FOXO1: variants seen among roughly 807,000 people sequenced by gnomAD.
The protein encoded by FOXO1 is forkhead box protein O1.
In FOXO1, 6 loss-of-function variants were observed where a neutral mutation model predicts 44.1. The observed-to-expected ratio is 0.14, with a 90% confidence interval of 0.07 to 0.27. The LOEUF is 0.27. Ranked by LOEUF, FOXO1 falls within the 10% of genes least tolerant of loss-of-function variation. FOXO1 has a pLI of 1.00. For synonymous variants in FOXO1, 380 were observed against 362.7 expected (o/e 1.05, Z -0.54); for missense variants, 737 against 888.8 (o/e 0.83, Z 2.17).
At chr13:40,615,006 C>A (rs4429172) in intron 1 of FOXO1, among the ~76,000 whole-genome samples, 58,832 of 151,940 alleles carry the variant, frequency 0.39, 12,245 homozygotes, top group East Asian at 0.75. Flanking sequence ...GCAAAAAACC[C>A]GAAGTTCCCA....
At chr13:40,616,858 T>C (rs1876439256) in intron 1 of FOXO1, among the ~76,000 whole-genome samples, 1 of 152,038 alleles carries the variant, frequency 6.6e-6, no homozygotes, top group African/African-American at 2.4e-5. Context: ...AAGGGACAGA[T>C]GGAGAAAGGA....
intron 1 of FOXO1, among the ~76,000 whole-genome samples, chr13:40,656,560 T>G (rs752994030): frequency 6.6e-6 from 1 of 152,228 alleles, no homozygotes; most frequent in Non-Finnish European, 1.5e-5. Context: ...TTCTATGTAT[T>G]GCCAAATTCC....
intron 1 of FOXO1, among the ~76,000 whole-genome samples, chr13:40,620,799 C>CTTTTTT (rs111991105): frequency 0.015 from 1,860 of 121,146 alleles, 161 homozygotes; most frequent in African/African-American, 0.05. Flanking sequence ...CTTCCCCTTG[C>CTTTTTT]TTTTTTTTTT....
At chr13:40,623,948 T>C (rs1876702101) in intron 1 of FOXO1, among the ~76,000 whole-genome samples, 1 of 150,330 alleles carries the variant, frequency 6.7e-6, no homozygotes, top group Non-Finnish European at 1.5e-5. Context: ...ATTTTTTTTT[T>C]TTTTAATTAG....
At position 40,560,857 on chromosome 13, in the gene FOXO1, A is replaced by C; in HGVS notation, c.634T>G (p.Ser212Ala). ...TGTAGGGACAGATTATGACGAATTG[A>C]ATTCTGTAAGGCAAAACATCTTATT... ...DSNSSAGWKN[S>A]IRHNLSLHSK... is the part of the protein sequence containing the mutation. The change falls in exon 2 of 3, where the codon TCA (serine) becomes GCA (alanine). Residue 212 changes from serine to alanine, a missense_variant. Transcript: ENST00000379561. This position sits in a 1 kb window ranked among gnomAD's most constrained non-coding sequence, Gnocchi z 5.1. 1 of 1,600,260 alleles carries C rather than the reference A, an allele frequency of 6.2e-7. No individual in the cohort carries two copies. Among genetic ancestry groups the C allele is most frequent in the Non-Finnish European group, 8.5e-7 (1 of 1,174,004 alleles).
At chr13:40,570,117 TC>T (rs1280613022) in intron 1 of FOXO1, among the ~76,000 whole-genome samples, 12 of 151,920 alleles carry the variant, frequency 7.9e-5, no homozygotes, top group Admixed American at 2.0e-4. Context: ...ATGGAGACCA[TC>T]CTGGCCAACA....
chr13:40,588,146 T>C (rs953221954), intron 1 of FOXO1, among the ~76,000 whole-genome samples: 2 of 152,136 alleles, frequency 1.3e-5, no homozygotes, highest in South Asian at 2.1e-4. Flanking sequence ...TTTAAATAAA[T>C]GCCCATTTAA....
rs570344203 is a variant in FOXO1 at position 40,571,455 on chromosome 13, TG to T, written c.631-10596del. Among the ~76,000 whole-genome samples, 24 of 152,286 alleles carry T rather than the reference TG, an allele frequency of 1.6e-4. No individual in the cohort carries two copies. The South Asian group carries it at 5.0e-3, about 32-fold the overall frequency. The stretch of plus-strand genomic sequence containing the variant: ...GTTTCCCCTAGGATTGATTTAGTTT[TG>T]ATGCAGCCTGCAGTTACCCCTGGGG... On this transcript the variant is annotated intron_variant, in intron 1 of 2. Coordinates refer to ENST00000379561, the MANE Select transcript of FOXO1 (RefSeq NM_002015.4).
At chr13:40,562,045 T>C (rs1874046704) in intron 1 of FOXO1, among the ~76,000 whole-genome samples, 1 of 151,892 alleles carries the variant, frequency 6.6e-6, no homozygotes, top group Admixed American at 6.6e-5. Context: ...TTAAAGCCCA[T>C]TAAGCAAATA....
chr13:40,665,027 A>G (rs558024528), intron 1 of FOXO1, among the ~76,000 whole-genome samples: 3 of 151,998 alleles, frequency 2.0e-5, no homozygotes, highest in Non-Finnish European at 4.4e-5. Flanking sequence ...CACCGCCTCC[A>G]GAAACTGCCC....
intron 1 of FOXO1, among the ~76,000 whole-genome samples, chr13:40,641,368 A>C (rs558442268): frequency 8.4e-4 from 128 of 152,054 alleles, no homozygotes; most frequent in African/African-American, 2.9e-3. Flanking sequence ...TCCTTAGAGA[A>C]CAATTCACTA....
In FOXO1 at chr13:40,564,887, C is replaced by T. The variant is rs1291342692; in HGVS notation, c.631-4027G>A. On this transcript the variant is annotated intron_variant, in intron 1 of 2. Coordinates refer to ENST00000379561, the MANE Select transcript of FOXO1 (RefSeq NM_002015.4). ...CTGCCATCTGCATGCCTGGCCACCC[C>T]AAGCAGTGCAGCATGTGCTTCCTGG... Among the ~76,000 whole-genome samples, 4 of 147,272 alleles carry T rather than the reference C, an allele frequency of 2.7e-5. No homozygotes were observed. The East Asian group carries it at 7.0e-4, about 26-fold the overall frequency.
intron 1 of FOXO1, among the ~76,000 whole-genome samples, chr13:40,664,229 C>A (rs1215195335): frequency 1.3e-5 from 2 of 152,134 alleles, no homozygotes; most frequent in East Asian, 3.9e-4. Flanking sequence ...GCCGAGATCG[C>A]GCCACGGTAC....
chr13:40,560,286 G>A lies in FOXO1; in HGVS notation c.1205C>T (p.Thr402Met), dbSNP rs148177044. ...TGGTGGCGCAAACGAGTAGCACGGCGTCTGCTGCATCATGGTGCCAGGTGA... is the reference window on the plus strand; with the variant it reads ...TGGTGGCGCAAACGAGTAGCACGGCATCTGCTGCATCATGGTGCCAGGTGA... ...QSSPGTMMQQ[T>M]PCYSFAPPNT... The change falls in exon 2 of 3, where the codon ACG becomes ATG. Residue 402 changes from threonine (T) to methionine (M), a missense_variant. Physicochemically the swap from Thr to Met is moderately conservative, Grantham distance 81. Around this residue, in one of 7 missense-constraint regions of FOXO1, gnomAD observed 283 missense variants for 278.1 expected, o/e 1.02. Coordinates refer to ENST00000379561, the MANE Select transcript of FOXO1 (RefSeq NM_002015.4). This position sits in a 1 kb window ranked among gnomAD's most constrained non-coding sequence, Gnocchi z 5.1. 96 of 1,614,054 alleles carry A rather than the reference G, an allele frequency of 5.9e-5. No individual in the cohort carries two copies. The highest frequency in any genetic ancestry group is 1.6e-4 in the Middle Eastern group (1 of 6,082).
At chr13:40,619,546 G>GATGA (rs765096072) in intron 1 of FOXO1, 2 of 1,390,014 alleles carry the variant, frequency 1.4e-6, no homozygotes. Context: ...AATTCATGGA[G>GATGA]ATTATACAAA....
intron 1 of FOXO1, among the ~76,000 whole-genome samples, chr13:40,645,526 A>T (rs1877482369): frequency 6.6e-6 from 1 of 152,218 alleles, no homozygotes; most frequent in Non-Finnish European, 1.5e-5. Flanking sequence ...TATTAATAAC[A>T]ATGACTATTT....
chr13:40,559,312 A>G (rs757675738), intron 2 of FOXO1, among the ~76,000 whole-genome samples, 197 bp downstream of exon 2: 6 of 152,214 alleles, frequency 3.9e-5, no homozygotes, highest in Non-Finnish European at 8.8e-5. Flanking sequence ...TAAAGCAGTT[A>G]AAGGAAGCTT....
chr13:40,559,785 G>T lies in FOXO1; in HGVS notation c.1706C>A (p.Pro569His), dbSNP rs373830610. 12 of 1,613,780 alleles carry T rather than the reference G, an allele frequency of 7.4e-6. No homozygotes were observed. The highest frequency in any genetic ancestry group is 1.1e-5 in the South Asian group (1 of 90,992). ...GCCCCCCAGGGCACTCATCTGCATG[G>T]GGTGGGGCAGAGGCACTTGTACAGG... The part of the protein sequence containing the change: ...KTPVQVPLPH[P>H]MQMSALGGYS... The change falls in exon 2 of 3, where the codon CCC becomes CAC. Residue 569 changes from proline to histidine, a missense_variant. Around this residue, in one of 7 missense-constraint regions of FOXO1, gnomAD observed 283 missense variants for 278.1 expected, o/e 1.02. Transcript: ENST00000379561.
chr13:40,611,578 G>A (rs897485971), intron 1 of FOXO1, among the ~76,000 whole-genome samples: 8 of 152,154 alleles, frequency 5.3e-5, no homozygotes, highest in Admixed American at 1.3e-4. Context: ...AGGGGTTCAC[G>A]TGGACTTAAA....
Sources: gnomAD v4.1 joint callset for allele counts (sites outside exome capture counted in the v4.1 genomes callset) on GRCh38, gnomAD v4.1.1 for gene constraint, gnomAD v4.1.1 regional missense constraint, Gnocchi (gnomAD v3.1) non-coding constraint, MANE v1.5 for transcripts, NCBI Gene and HGNC (gene_info 2026-07-23, HGNC 2026-07-21) for gene names.